Variants in CACNA2D3 observed in about 807,000 individuals in gnomAD.
CACNA2D3 encodes the protein voltage-dependent calcium channel subunit alpha-2/delta-3.
A neutral mutation model predicts 160.6 loss-of-function variants in CACNA2D3; 60 were observed. That is an observed-to-expected ratio of 0.37 (90% confidence interval 0.30 to 0.46). CACNA2D3 has a LOEUF of 0.46. CACNA2D3 is among the 20% of genes least tolerant of loss of function. The pLI is 1.00. For synonymous variants in CACNA2D3, 558 were observed against 492.9 expected (o/e 1.13, Z -1.75); for missense variants, 1,205 against 1,365.0 (o/e 0.88, Z 1.85).
At chr3:54,284,668 G>A (rs1702964872) in intron 2 of CACNA2D3, among the ~76,000 whole-genome samples, 1 of 152,154 alleles carries the variant, frequency 6.6e-6, no homozygotes, top group African/African-American at 2.4e-5. Flanking sequence ...AATTTTGGTG[G>A]AATAGAGCTC....
rs6793459 is a variant in CACNA2D3, at chr3:54,153,812, A to C, written c.204+30218A>C. Among the ~76,000 whole-genome samples the C allele has an allele frequency of 7.1e-4, 108 of 152,094 alleles. 2 individuals carry two copies. The highest frequency in any genetic ancestry group is 6.4e-3 in the South Asian group (31 of 4,826). On this transcript the variant is annotated intron_variant, in intron 2 of 37. Transcript: ENST00000474759. ...ACCCACTAAATTAATTATATTGCCT[A>C]TTATTGGGTTGCCACTTGCATTCTA...
At chr3:54,889,564 C>G (rs759810936) in intron 24 of CACNA2D3, among the ~76,000 whole-genome samples, 1 of 152,134 alleles carries the variant, frequency 6.6e-6, no homozygotes, top group Non-Finnish European at 1.5e-5. Context: ...TTTGCTAACA[C>G]GAGAGACACT....
chr3:54,242,848 A>C (rs899899713), intron 2 of CACNA2D3, among the ~76,000 whole-genome samples: 8 of 152,252 alleles, frequency 5.3e-5, no homozygotes, highest in African/African-American at 1.9e-4. Context: ...AACATTAGCA[A>C]GTCTTGGAAC....
rs77582885 is a variant in CACNA2D3 at position 54,347,623 on chromosome 3, G to T, written c.321+27065G>T. Reference sequence around the variant, plus strand: ...AGAGAAAAGAATGAGATTGTGCTGTGTCAGGACCAAAATAACTTATGTTGG... The same window carrying T: ...AGAGAAAAGAATGAGATTGTGCTGTTTCAGGACCAAAATAACTTATGTTGG... On this transcript the variant is annotated intron_variant, in intron 3 of 37. Coordinates refer to ENST00000474759, the MANE Select transcript of CACNA2D3 (RefSeq NM_018398.3). Among the ~76,000 whole-genome samples, 1,001 of 151,878 alleles carry T rather than the reference G, an allele frequency of 6.6e-3. 11 individuals are homozygous for T. Among genetic ancestry groups the T allele is most frequent in the African/African-American group, 0.023 (957 of 41,410 alleles).
chr3:54,615,406 A>C (rs1559527149), intron 9 of CACNA2D3, among the ~76,000 whole-genome samples: 1 of 152,256 alleles, frequency 6.6e-6, no homozygotes, highest in Non-Finnish European at 1.5e-5. Context: ...AGAACATGTT[A>C]AATGACACCT....
At chr3:54,463,908 A>G (rs1254882007) in intron 4 of CACNA2D3, among the ~76,000 whole-genome samples, 2 of 151,920 alleles carry the variant, frequency 1.3e-5, no homozygotes, top group East Asian at 1.9e-4. Context: ...GGTTTTATCT[A>G]CTTTTGGTCT....
chr3:55,005,033 T>C (rs982576023), intron 32 of CACNA2D3, among the ~76,000 whole-genome samples, 195 bp downstream of exon 32: 2 of 151,392 alleles, frequency 1.3e-5, no homozygotes, highest in African/African-American at 4.9e-5. Context: ...CCCAGCACTT[T>C]GGGAGGCCGA....
chr3:54,255,791 C>T (rs1329675467), intron 2 of CACNA2D3, among the ~76,000 whole-genome samples: 1 of 152,146 alleles, frequency 6.6e-6, no homozygotes, highest in Non-Finnish European at 1.5e-5. Context: ...ACCTCTACTG[C>T]CACGTACTCT....
At chr3:54,880,401 A>G (rs929376140) in intron 20 of CACNA2D3, among the ~76,000 whole-genome samples, 3 of 152,182 alleles carry the variant, frequency 2.0e-5, no homozygotes, top group South Asian at 2.1e-4. Context: ...GCAGGGGTCA[A>G]TTTCCCGAGT....
intron 11 of CACNA2D3, among the ~76,000 whole-genome samples, chr3:54,671,122 G>T (rs1244446082): frequency 1.3e-5 from 2 of 151,478 alleles, no homozygotes; most frequent in African/African-American, 4.9e-5. Flanking sequence ...ATTTGTTTTT[G>T]GTACTTCACG....
At chr3:54,733,431 G>A (rs11707823) in intron 11 of CACNA2D3, among the ~76,000 whole-genome samples, 60,921 of 152,030 alleles carry the variant, frequency 0.4, 13,106 homozygotes, top group East Asian at 0.5. Flanking sequence ...GCAGATCAGG[G>A]TAGAAGCAAT....
chr3:55,039,244 T>G (rs944042511), intron 35 of CACNA2D3, among the ~76,000 whole-genome samples: 1 of 152,148 alleles, frequency 6.6e-6, no homozygotes, highest in African/African-American at 2.4e-5. Flanking sequence ...GATGTTCATC[T>G]TCAGAAAATG....
chr3:54,618,352 CATATATAT>C (rs140732966), intron 9 of CACNA2D3, among the ~76,000 whole-genome samples: 2 of 119,890 alleles, frequency 1.7e-5, no homozygotes, highest in Non-Finnish European at 3.4e-5. Flanking sequence ...TTGATACATA[CATATATAT>C]ATATATATAT....
At chr3:54,385,989 A>T (rs753825279) in intron 3 of CACNA2D3, 1 of 501,974 alleles carries the variant, frequency 2.0e-6, no homozygotes, top group African/African-American at 1.9e-5. Flanking sequence ...TTGTAGGCAA[A>T]ATCAAATTAA....
chr3:54,957,019 T>C (rs1701914696), intron 27 of CACNA2D3, among the ~76,000 whole-genome samples: 1 of 152,204 alleles, frequency 6.6e-6, no homozygotes, highest in Non-Finnish European at 1.5e-5. Flanking sequence ...CAGGATGTTA[T>C]TAGGATTAGC....
intron 9 of CACNA2D3, among the ~76,000 whole-genome samples, chr3:54,623,371 G>A (rs1165172511): frequency 6.6e-6 from 1 of 152,232 alleles, no homozygotes; most frequent in Non-Finnish European, 1.5e-5. Context: ...GAAGTCCAGG[G>A]ATTGGCTCAA....
chr3:54,767,170 T>A (rs1702240799), intron 13 of CACNA2D3, among the ~76,000 whole-genome samples: 1 of 151,564 alleles, frequency 6.6e-6, no homozygotes, highest in Admixed American at 6.6e-5. Context: ...TATTCAAAAA[T>A]TAAACAAGAT....
intron 29 of CACNA2D3, among the ~76,000 whole-genome samples, chr3:54,970,633 CTT>C (rs1702256210): frequency 7.7e-6 from 1 of 130,056 alleles, no homozygotes; most frequent in Non-Finnish European, 1.6e-5. Flanking sequence ...CTCCTCTCCT[CTT>C]TTTCTCTCTC....
chr3:55,066,958 C>T (rs1417838878), intron 35 of CACNA2D3, among the ~76,000 whole-genome samples: 1 of 152,160 alleles, frequency 6.6e-6, no homozygotes, highest in Non-Finnish European at 1.5e-5. Flanking sequence ...CAACCCTGCA[C>T]CCTGGGCCAT....
Sources: gnomAD v4.1 joint callset for allele counts (sites outside exome capture counted in the v4.1 genomes callset) on GRCh38, gnomAD v4.1.1 for gene constraint, MANE v1.5 for transcripts, NCBI Gene and HGNC (gene_info 2026-07-23, HGNC 2026-07-21) for gene names.